ANKS1B: variants seen among roughly 807,000 people sequenced by gnomAD.
ANKS1B encodes the protein ankyrin repeat and sterile alpha motif domain containing 1B.
In ANKS1B, 36 loss-of-function variants were observed where a neutral mutation model predicts 148.3. The observed-to-expected ratio is 0.24, with a 90% confidence interval of 0.19 to 0.32. ANKS1B has a LOEUF of 0.32. Ranked by LOEUF, ANKS1B falls within the 10% of genes least tolerant of loss-of-function variation. The probability of loss-of-function intolerance (pLI) is 1.00; values close to 1 mark genes in which losing one functional copy is unlikely to be tolerated. For missense variants in ANKS1B, 1,157 were observed against 1,542.6 expected (o/e 0.75, Z 4.19); for synonymous variants, 542 against 560.8 (o/e 0.97, Z 0.47).
Position 99,429,780 on chromosome 12 carries a change from G to A in ANKS1B, c.1575+13893C>T, listed in dbSNP as rs544437041. Among the ~76,000 whole-genome samples the A allele has an allele frequency of 1.5e-3, 225 of 152,034 alleles. 1 individual carries two copies. The highest frequency in any genetic ancestry group is 0.013 in the South Asian group (64 of 4,812). On this transcript the variant is annotated intron_variant, in intron 11 of 26. Transcript: ENST00000683438. ...AGATTGAGACCATCCTGGCTAACAC[G>A]GTGAAACCCTGTCTCTACTAAAAAA...
intron 8 of ANKS1B, among the ~76,000 whole-genome samples, chr12:99,745,609 T>C (rs949829071): frequency 6.6e-6 from 1 of 152,194 alleles, no homozygotes; most frequent in African/African-American, 2.4e-5. Context: ...TAATGGTTTA[T>C]TTTGTAAGCA....
chr12:98,844,634 C>T (rs915716974), intron 17 of ANKS1B, among the ~76,000 whole-genome samples: 2 of 152,108 alleles, frequency 1.3e-5, no homozygotes, highest in Admixed American at 1.3e-4. Context: ...TCATTATCTG[C>T]AAGATGGTGG....
intron 8 of ANKS1B, among the ~76,000 whole-genome samples, chr12:99,656,637 A>G (rs747832004): frequency 6.6e-6 from 1 of 152,148 alleles, no homozygotes; most frequent in South Asian, 2.1e-4. Flanking sequence ...GAACAAAAGG[A>G]GCTCCAAAAA....
At chr12:99,034,504 C>T (rs1344319622) in intron 17 of ANKS1B, among the ~76,000 whole-genome samples, 4 of 151,964 alleles carry the variant, frequency 2.6e-5, no homozygotes, top group Admixed American at 6.6e-5. Flanking sequence ...TTTGTAGAGA[C>T]GGGGTTTCGC....
intron 12 of ANKS1B, among the ~76,000 whole-genome samples, chr12:99,301,338 GA>G (rs1404403223): frequency 6.6e-6 from 1 of 151,962 alleles, no homozygotes; most frequent in Non-Finnish European, 1.5e-5. Flanking sequence ...CTGTCGAGTT[GA>G]CATAAAATTA....
intron 10 of ANKS1B, among the ~76,000 whole-genome samples, chr12:99,479,470 A>G (rs2096375989): frequency 6.6e-6 from 1 of 152,068 alleles, no homozygotes; most frequent in South Asian, 2.1e-4. Flanking sequence ...ACATTTCCAT[A>G]ATGCTATTGA....
chr12:99,846,415 T>C (rs1233093988), intron 1 of ANKS1B, among the ~76,000 whole-genome samples: 1 of 152,134 alleles, frequency 6.6e-6, no homozygotes, highest in Admixed American at 6.6e-5. Context: ...CTTACTGACA[T>C]CAATAATTAC....
chr12:99,527,106 T>G (rs1432901349), intron 9 of ANKS1B, among the ~76,000 whole-genome samples: 1 of 152,156 alleles, frequency 6.6e-6, no homozygotes, highest in Non-Finnish European at 1.5e-5. Context: ...ACCTTAATTT[T>G]GAACTTCTAG....
chr12:99,842,967 A>ATGG (rs1396394456), intron 1 of ANKS1B, among the ~76,000 whole-genome samples: 2 of 152,152 alleles, frequency 1.3e-5, no homozygotes, highest in African/African-American at 4.8e-5. Flanking sequence ...CATACACAGT[A>ATGG]TATCACTGTG....
At chr12:99,390,548 A>G (rs557830736) in intron 12 of ANKS1B, among the ~76,000 whole-genome samples, 2 of 152,280 alleles carry the variant, frequency 1.3e-5, no homozygotes, top group Admixed American at 6.5e-5. Context: ...TTGTGTCTGG[A>G]ACTTTCCTTT....
intron 16 of ANKS1B, among the ~76,000 whole-genome samples, chr12:99,053,768 T>C (rs777637080): frequency 6.6e-6 from 1 of 152,240 alleles, no homozygotes; most frequent in Non-Finnish European, 1.5e-5. Context: ...TTTGTGCTTA[T>C]GCAAGACATG....
intron 9 of ANKS1B, among the ~76,000 whole-genome samples, chr12:99,521,604 T>C (rs1171096443): frequency 6.6e-6 from 1 of 152,340 alleles, no homozygotes; most frequent in South Asian, 2.1e-4. Flanking sequence ...TGCAGACTCA[T>C]AGAAGTATCA....
At chr12:99,876,632 A>C (rs952373412) in intron 1 of ANKS1B, among the ~76,000 whole-genome samples, 1 of 151,986 alleles carries the variant, frequency 6.6e-6, no homozygotes, top group Non-Finnish European at 1.5e-5. Flanking sequence ...CGGGAGGCTG[A>C]GGCAGGAGAA....
intron 9 of ANKS1B, among the ~76,000 whole-genome samples, chr12:99,620,715 G>T (rs915542197): frequency 6.6e-6 from 1 of 151,926 alleles, no homozygotes; most frequent in African/African-American, 2.4e-5. Context: ...AAAGAAAAGA[G>T]AATTTTAAAA....
intron 17 of ANKS1B, among the ~76,000 whole-genome samples, chr12:98,950,625 T>A (rs2099852680): frequency 6.7e-6 from 1 of 150,060 alleles, no homozygotes; most frequent in African/African-American, 2.5e-5. Context: ...AATCCAGATT[T>A]TTTAGTCCTG....
At chr12:99,747,350 C>G (rs963680340) in intron 8 of ANKS1B, among the ~76,000 whole-genome samples, 1 of 152,040 alleles carries the variant, frequency 6.6e-6, no homozygotes, top group African/African-American at 2.4e-5. Flanking sequence ...CTCCCTCTCT[C>G]CTGCAACCTA....
intron 12 of ANKS1B, among the ~76,000 whole-genome samples, chr12:99,387,303 T>C (rs1206169326): frequency 2.0e-5 from 3 of 152,170 alleles, no homozygotes; most frequent in Non-Finnish European, 4.4e-5. Context: ...AGAGCCCTCA[T>C]GAAGGCGATT....
Position 99,773,019 on chromosome 12 carries a change from G to A in ANKS1B, c.1031C>T (p.Ser344Leu), listed in dbSNP as rs374815422. ...TATTGTGTGGCACAAGTCTTCAAACGAATAATCCTTTTCTTGACAGAGTTT... is the reference window on the plus strand; with the variant it reads ...TATTGTGTGGCACAAGTCTTCAAACAAATAATCCTTTTCTTGACAGAGTTT... ...EIKLCQEKDY[S>L]FEDLCHTISD... Residue 344 changes from serine (S) to leucine (L), a missense_variant, in exon 8 of 27, where the codon TCG becomes TTG. This residue lies in a region of ANKS1B where 661 missense variants were observed against 642.1 expected (regional missense o/e 1.03). Coordinates refer to ENST00000683438, the MANE Select transcript of ANKS1B (RefSeq NM_001352186.2). The A allele has an allele frequency of 1.1e-5, 18 of 1,610,168 alleles. No homozygotes were observed. The highest frequency in any genetic ancestry group is 8.9e-5 in the East Asian group (4 of 44,696).
intron 1 of ANKS1B, among the ~76,000 whole-genome samples, chr12:99,943,743 T>C (rs189064094): frequency 1.5e-3 from 233 of 152,064 alleles, no homozygotes; most frequent in African/African-American, 4.9e-3. Flanking sequence ...AGTTCAAGAT[T>C]TGGGTGGGGA....
Sources: allele counts gnomAD v4.1 joint callset (sites outside exome capture counted in the v4.1 genomes callset), GRCh38; gene constraint gnomAD v4.1.1; regional missense constraint gnomAD v4.1.1; transcripts MANE v1.5; gene names NCBI Gene and HGNC (gene_info 2026-07-23, HGNC 2026-07-21).